The following PDE4A variants were observed in gnomAD, a reference collection of about 807,000 sequenced individuals.
The protein encoded by PDE4A is 3',5'-cyclic-AMP phosphodiesterase 4A.
PDE4A carries 21 observed loss-of-function variants against 73.9 expected under a neutral mutation model. That is an observed-to-expected ratio of 0.28 (90% CI 0.20 to 0.41). PDE4A has a LOEUF of 0.41. PDE4A is among the 10% of genes least tolerant of loss of function. PDE4A has a pLI of 1.00. For synonymous variants in PDE4A, 463 were observed against 505.4 expected (o/e 0.92, Z 1.13); for missense variants, 958 against 1,211.4 (o/e 0.79, Z 3.10).
Position 10,428,716 on chromosome 19 carries a change from C to T in PDE4A, c.320+7632C>T, listed in dbSNP as rs534963519. The stretch of plus-strand genomic sequence containing the variant: ...GCTCAATGAAATGAAGTGACTAGCC[C>T]GAGATCAAATGGCTAAGAAGTGCCA... On this transcript the variant is annotated intron_variant, in intron 1 of 14. Transcript: ENST00000380702. The T allele has an allele frequency of 8.0e-5, 75 of 934,424 alleles. No individual in the cohort carries two copies. In the African/African-American group the frequency reaches 1.2e-3, roughly 15 times the overall value. The allele number at this position is 934,424 out of a possible 1,614,324, so 57.9% of individuals were successfully genotyped here.
At chr19:10,454,394 T>A (rs1354388778) in intron 6 of PDE4A, among the ~76,000 whole-genome samples, 2 of 152,188 alleles carry the variant, frequency 1.3e-5, no homozygotes, top group African/African-American at 4.8e-5. Context: ...AGGCAAGGGT[T>A]AAGGGGCCTC....
chr19:10,420,476 C>CGGGGG (rs1429572805), upstream of PDE4A: 1 of 211,152 alleles, frequency 4.7e-6, no homozygotes, highest in Non-Finnish European at 7.6e-6. This position sits in a 1 kb window ranked among gnomAD's most constrained non-coding sequence, Gnocchi z 6.0. Flanking sequence ...AGGGGCGGGA[C>CGGGGG]GGGGCGGAGG....
intron 1 of PDE4A, 102 bp from the exon 2 acceptor site, chr19:10,446,116 G>C (rs2145523094): frequency 6.8e-7 from 1 of 1,467,306 alleles, no homozygotes; most frequent in African/African-American, 1.4e-5. Flanking sequence ...TGGGATTACA[G>C]GCATTACAGG....
At chr19:10,420,202 A>T (rs1450924134), upstream of PDE4A, 1 of 169,102 alleles carries the variant, frequency 5.9e-6, no homozygotes, top group Non-Finnish European at 1.2e-5. This position sits in a 1 kb window ranked among gnomAD's most constrained non-coding sequence, Gnocchi z 6.0. Flanking sequence ...CGCCCTCGCC[A>T]TGATGGACCG....
chr19:10,467,583 G>A lies in PDE4A; in HGVS notation c.2623G>A (p.Ala875Thr). 1 of 1,591,838 alleles carries A rather than the reference G, an allele frequency of 6.3e-7. No homozygotes were observed. The highest frequency in any genetic ancestry group is 1.1e-5 in the South Asian group (1 of 88,816). ...TFGEDTSALPAPGGGGSGGDP... is the reference protein window; with the variant it reads ...TFGEDTSALPTPGGGGSGGDP... ...TGGGGAGGACACATCCGCACTCCCA[G>A]CTCCTGGTGGCGGGGGGTCAGGTGG... The change falls in exon 15 of 15, where the codon GCT becomes ACT. Residue 875 changes from alanine to threonine, a missense_variant. Physicochemically the swap from Ala to Thr is moderately conservative, Grantham distance 58. Around this residue, in one of 3 missense-constraint regions of PDE4A, gnomAD observed 243 missense variants for 245.9 expected, o/e 0.99. Transcript: ENST00000380702.
intron 5 of PDE4A, 68 bp downstream of exon 5, chr19:10,450,720 C>A (rs1466795773): frequency 6.3e-7 from 1 of 1,586,810 alleles, no homozygotes; most frequent in South Asian, 1.1e-5. Flanking sequence ...TCAGCCCCTT[C>A]CCCACCCAGC....
chr19:10,421,004 C>T lies in PDE4A; in HGVS notation c.240C>T (p.Arg80=), dbSNP rs780146275. ...ACACCAGCGACCGGCCCGGCCTGCG[C>T]ACGACCCGCATGTCCTGGCCCTCGT... is the stretch of plus-strand genomic sequence containing the variant. ...AMDTSDRPGL[R]TTRMSWPSSF... Residue 80 remains arginine (R), a synonymous_variant, in exon 1 of 15, where the codon CGC becomes CGT. Transcript: ENST00000380702. 1 of 1,516,596 alleles carries T rather than the reference C, an allele frequency of 6.6e-7. No homozygotes were observed. The highest frequency in any genetic ancestry group is 2.6e-5 in the East Asian group (1 of 38,336). 93.9% of individuals were successfully genotyped at this position (1,516,596 alleles called of 1,614,324 possible).
chr19:10,461,549 A>C lies in PDE4A; in HGVS notation c.1489A>C (p.Asn497His). The C allele has an allele frequency of 6.2e-7, 1 of 1,614,128 alleles. No homozygotes were observed. Among genetic ancestry groups the C allele is most frequent in the Non-Finnish European group, 8.5e-7 (1 of 1,180,034 alleles). Reference sequence around the variant, plus strand: ...AGATTCGGAGCTGGCGCTCATGTACAACGATGAGTCGGTGCTCGAGAATCA... The same window carrying C: ...AGATTCGGAGCTGGCGCTCATGTACCACGATGAGTCGGTGCTCGAGAATCA... Reference protein sequence around the residue: ...NTNSELALMYNDESVLENHHL... With the variant: ...NTNSELALMYHDESVLENHHL... Residue 497 changes from asparagine to histidine, a missense_variant, in exon 12 of 15, where the codon AAC (asparagine) becomes CAC (histidine). Physicochemically the swap from Asn to His is moderately conservative, Grantham distance 68 (BLOSUM62 1). Transcript: ENST00000380702.
At position 10,453,324 on chromosome 19, in the gene PDE4A, G is replaced by T. The variant is rs1419240522; in HGVS notation, c.784-1505G>T. 3.7e-6 allele frequency: 6 copies of T among 1,612,906 alleles called. No individual in the cohort carries two copies. The highest frequency in any genetic ancestry group is 5.1e-6 in the Non-Finnish European group (6 of 1,179,510). On this transcript the variant is annotated intron_variant, in intron 6 of 14. Transcript: ENST00000380702. This position sits in a 1 kb window ranked among gnomAD's most constrained non-coding sequence, Gnocchi z 4.6. ...TAAGCCTTGGCTGGTGGGCTGGTGG[G>T]ACCAGGTAGGAGAGTGCAGGGTAGG... is the stretch of plus-strand genomic sequence containing the variant.
intron 14 of PDE4A, among the ~76,000 whole-genome samples, chr19:10,465,485 G>T (rs1049302739): frequency 5.9e-5 from 9 of 151,838 alleles, no homozygotes; most frequent in Admixed American, 5.3e-4. Flanking sequence ...CTCCCAAAGT[G>T]CTGGGATTAC....
intron 1 of PDE4A, among the ~76,000 whole-genome samples, chr19:10,440,586 G>A (rs1223227239): frequency 1.3e-5 from 2 of 152,070 alleles, no homozygotes; most frequent in Admixed American, 1.3e-4. Flanking sequence ...GCCATGCCTG[G>A]CTAATTATTT....
rs765415758 is a variant in PDE4A at position 10,461,686 on chromosome 19, C to A, written c.1620+6C>A. 1.3e-5 allele frequency: 6 copies of A among 453,272 alleles called. No homozygotes were observed. The highest frequency in any genetic ancestry group is 1.2e-4 in the Admixed American group (5 of 43,172). 28.1% of individuals were successfully genotyped at this position (453,272 alleles called of 1,614,324 possible). ...GCAAGATGGTCATCGACATGGTGGG[C>A]GGGGCTGGGGCGGGACGGAGCGGGA... On this transcript the variant is annotated splice_donor_region_variant and intron_variant, in intron 12 of 14. Transcript: ENST00000380702.
At chr19:10,416,823 C>G (rs942588536), upstream of PDE4A, 6 of 1,527,390 alleles carry the variant, frequency 3.9e-6, no homozygotes, top group African/African-American at 6.9e-5. Flanking sequence ...GGGTTCTAGG[C>G]CCGACCGGCA....
At chr19:10,448,795 C>T in intron 2 of PDE4A, 122 bp from the exon 3 acceptor site, 1 of 1,529,306 alleles carries the variant, frequency 6.5e-7, no homozygotes, top group Non-Finnish European at 8.8e-7. Context: ...AGTGTTCTTT[C>T]CCTAGGTCCC....
Position 10,457,906 on chromosome 19 carries a change from C to T in PDE4A, c.905C>T (p.Ser302Leu), listed in dbSNP as rs201141869. 2 of 1,612,398 alleles carry T rather than the reference C, an allele frequency of 1.2e-6. No homozygotes were observed. The highest frequency in any genetic ancestry group is 1.7e-6 in the Non-Finnish European group (2 of 1,180,012). Residue 302 changes from serine (S) to leucine (L), a missense_variant, in exon 8 of 15, where the codon TCA becomes TTA. Transcript: ENST00000380702. Reference protein sequence around the residue: ...LDKQNEVEIPSPTMKEREKQQ... With the variant: ...LDKQNEVEIPLPTMKEREKQQ... ...AAACAGAATGAAGTGGAGATCCCAT[C>T]ACCCACGATGAAGGAACGAGAAAAA...
chr19:10,467,679 G>A lies in PDE4A; in HGVS notation c.*58G>A, dbSNP rs202238953. 347 of 1,304,232 alleles carry A rather than the reference G, an allele frequency of 2.7e-4. 2 individuals carry two copies. Among genetic ancestry groups the A allele is most frequent in the Middle Eastern group, 5.6e-4 (2 of 3,582 alleles). The allele number at this position is 1,304,232 out of a possible 1,614,324, so 80.8% of individuals were successfully genotyped here. A position where few individuals can be genotyped will look rare whatever the true frequency, so the allele number is the denominator to read the frequency against. ...CCTCCCCTCACTCCCCTGCTCCCCCGACCACCTCCTCCTCTGCCTCAAAGA... is the reference window on the plus strand; with the variant it reads ...CCTCCCCTCACTCCCCTGCTCCCCCAACCACCTCCTCCTCTGCCTCAAAGA... On this transcript the variant is annotated 3_prime_UTR_variant, in exon 15 of 15. Transcript: ENST00000380702.
chr19:10,450,248 G>A (rs2043069282), intron 4 of PDE4A, among the ~76,000 whole-genome samples: 1 of 152,190 alleles, frequency 6.6e-6, no homozygotes, highest in South Asian at 2.1e-4. Context: ...AGATGTGGCT[G>A]AGAGCTGCCA....
At chr19:10,418,356 G>A (rs1236025959), upstream of PDE4A, among the ~76,000 whole-genome samples, 2 of 152,108 alleles carry the variant, frequency 1.3e-5, no homozygotes, top group Non-Finnish European at 1.5e-5. Context: ...GACCTTCCAG[G>A]TACCCAACCA....
chr19:10,451,256 T>C (rs1449548951), intron 6 of PDE4A, among the ~76,000 whole-genome samples: 1 of 150,172 alleles, frequency 6.7e-6, no homozygotes, highest in African/African-American at 2.5e-5. Context: ...GGTCAGTCCC[T>C]GGGTGGGGCC....
Sources: allele counts gnomAD v4.1 joint callset (sites outside exome capture counted in the v4.1 genomes callset), GRCh38; gene constraint gnomAD v4.1.1; regional missense constraint gnomAD v4.1.1; non-coding constraint Gnocchi (gnomAD v3.1); transcripts MANE v1.5; gene names NCBI Gene and HGNC (gene_info 2026-07-23, HGNC 2026-07-21).